The following KCNMA1 variants were observed in gnomAD, a reference collection of about 807,000 sequenced individuals.
KCNMA1 encodes potassium calcium-activated channel subfamily M alpha 1.
Under a neutral mutation model 140.0 loss-of-function variants are expected in KCNMA1, and 29 were observed. That is an observed-to-expected ratio of 0.21 (90% CI 0.15 to 0.28). The LOEUF is 0.28. Ranked by LOEUF, KCNMA1 falls within the 10% of genes least tolerant of loss-of-function variation. The pLI is 1.00. For synonymous variants in KCNMA1, 612 were observed against 611.9 expected (o/e 1.00, Z 0.00); for missense variants, 880 against 1,602.2 (o/e 0.55, Z 7.70).
At chr10:77,637,223 G>C (rs201919963) in intron 1 of KCNMA1, 42 bp downstream of exon 1, 10 of 1,537,614 alleles carry the variant, frequency 6.5e-6, no homozygotes, top group Non-Finnish European at 8.0e-6. Flanking sequence ...CCGAGAAGCG[G>C]TGGGGCTGGC....
intron 3 of KCNMA1, 56 bp downstream of exon 3, chr10:77,251,139 T>C: frequency 7.3e-7 from 1 of 1,362,022 alleles, no homozygotes; most frequent in South Asian, 1.2e-5. Flanking sequence ...TGGATCAATG[T>C]AAAGGCTCAT....
chr10:77,602,006 C>G (rs2082811462), intron 1 of KCNMA1, among the ~76,000 whole-genome samples: 1 of 152,182 alleles, frequency 6.6e-6, no homozygotes, highest in African/African-American at 2.4e-5. Context: ...ATCAAAACTG[C>G]CCTATTCTAA....
chr10:76,969,844 T>A (rs1232274848), intron 20 of KCNMA1, 130 bp downstream of exon 20: 1 of 728,220 alleles, frequency 1.4e-6, no homozygotes, highest in Admixed American at 2.0e-5. Flanking sequence ...CATCTAACGA[T>A]CTCGCTCCCC....
intron 2 of KCNMA1, among the ~76,000 whole-genome samples, chr10:77,256,991 C>A (rs2060912914): frequency 6.6e-6 from 1 of 152,066 alleles, no homozygotes; most frequent in African/African-American, 2.4e-5. Flanking sequence ...TGCCTATAAT[C>A]CCAGCTACTC....
At chr10:77,509,211 C>T (rs548411708) in intron 1 of KCNMA1, among the ~76,000 whole-genome samples, 1 of 152,246 alleles carries the variant, frequency 6.6e-6, no homozygotes, top group Non-Finnish European at 1.5e-5. Flanking sequence ...ACCTCCGCCT[C>T]CCAGCTTCCA....
At chr10:76,941,021 G>GGAAGGAAGGAAA (rs2061906233) in intron 23 of KCNMA1, among the ~76,000 whole-genome samples, 1 of 53,118 alleles carries the variant, frequency 1.9e-5, no homozygotes, top group Admixed American at 2.0e-4. Flanking sequence ...AAGGAAGGAA[G>GGAAGGAAGGAAA]AAAGAAAGAA....
At chr10:76,906,437 C>T (rs2047865113) in intron 25 of KCNMA1, among the ~76,000 whole-genome samples, 1 of 152,212 alleles carries the variant, frequency 6.6e-6, no homozygotes, top group Admixed American at 6.5e-5. Flanking sequence ...AGGGCCATGT[C>T]TGTAACATCC....
At chr10:77,021,200 C>T (rs1391717988) in intron 16 of KCNMA1, 1 of 152,148 alleles carries the variant, frequency 6.6e-6, no homozygotes, top group Non-Finnish European at 1.5e-5. Flanking sequence ...CAAAAAATTC[C>T]ATGCACTGGC....
At chr10:76,905,257 T>C (rs375942141) in intron 25 of KCNMA1, 27 of 152,194 alleles carry the variant, frequency 1.8e-4, no homozygotes, top group African/African-American at 6.5e-4. Context: ...TATTTCTTCT[T>C]CTAAAATGAG....
chr10:77,289,543 C>T (rs767669211), intron 2 of KCNMA1, among the ~76,000 whole-genome samples: 43 of 152,312 alleles, frequency 2.8e-4, no homozygotes, highest in Non-Finnish European at 5.1e-4. Context: ...CACTCAAACC[C>T]TGCCAAGCTT....
intron 2 of KCNMA1, among the ~76,000 whole-genome samples, chr10:77,396,028 T>C (rs2096039077): frequency 6.6e-6 from 1 of 152,230 alleles, no homozygotes; most frequent in South Asian, 2.1e-4. Context: ...TCAGTATCTA[T>C]GCATGGGATG....
chr10:77,417,835 C>G (rs563257727), intron 1 of KCNMA1, among the ~76,000 whole-genome samples: 65 of 152,286 alleles, frequency 4.3e-4, no homozygotes, highest in Middle Eastern at 3.4e-3. Context: ...GATCCCCATT[C>G]AGGAAACCAA....
intron 5 of KCNMA1, among the ~76,000 whole-genome samples, chr10:77,145,435 G>A (rs575184911): frequency 1.2e-4 from 19 of 152,306 alleles, no homozygotes; most frequent in African/African-American, 4.1e-4. Flanking sequence ...AAAAAAAACT[G>A]TCATAAACTG....
intron 1 of KCNMA1, among the ~76,000 whole-genome samples, chr10:77,559,721 C>T (rs1335749464): frequency 6.6e-6 from 1 of 152,122 alleles, no homozygotes; most frequent in Non-Finnish European, 1.5e-5. Context: ...CTGGTTTCAC[C>T]TTTAGAACTA....
intron 2 of KCNMA1, among the ~76,000 whole-genome samples, chr10:77,351,970 T>C (rs547846901): frequency 1.4e-4 from 21 of 152,176 alleles, no homozygotes; most frequent in Non-Finnish European, 2.4e-4. Flanking sequence ...CAAGTTCAGA[T>C]TGGACAGGAA....
Position 77,166,885 on chromosome 10 carries a change from A to C in KCNMA1, c.808+16536T>G, listed in dbSNP as rs574222507. On this transcript the variant is annotated intron_variant, in intron 5 of 27. Transcript: ENST00000286628. ...CAGTGTCTATGTGATAATTTGATAC[A>C]TCCATATTGTCAAACTAGGGTAACT... 4.6e-5 allele frequency among the ~76,000 whole-genome samples: 7 copies of C among 152,276 alleles called. No individual in the cohort carries two copies. In the South Asian group the frequency reaches 1.5e-3, roughly 32 times the overall value.
Position 76,944,752 on chromosome 10 carries a change from AG to A in KCNMA1, c.2902+20del, listed in dbSNP as rs752447474. Reference sequence around the variant, plus strand: ...CTGTCCCCTGCAGGCACAGCAAAGAAGTATTACAGGCTGTCCTTACCTTGGG... The same window carrying A: ...CTGTCCCCTGCAGGCACAGCAAAGAATATTACAGGCTGTCCTTACCTTGGG... On this transcript the variant is annotated intron_variant, in intron 23 of 27. Transcript: ENST00000286628. The A allele has an allele frequency of 6.2e-7, 1 of 1,609,972 alleles. No homozygotes were observed.
intron 2 of KCNMA1, among the ~76,000 whole-genome samples, chr10:77,334,483 G>A (rs769171222): frequency 6.6e-6 from 1 of 152,140 alleles, no homozygotes; most frequent in Non-Finnish European, 1.5e-5. Context: ...TACCATTTGA[G>A]CTTTATTACA....
At chr10:77,548,344 G>A (rs965235756) in intron 1 of KCNMA1, among the ~76,000 whole-genome samples, 1 of 152,210 alleles carries the variant, frequency 6.6e-6, no homozygotes, top group African/African-American at 2.4e-5. Flanking sequence ...AGCCTAACGT[G>A]GACAACGCCT....
Sources: gnomAD v4.1 joint callset for allele counts (sites outside exome capture counted in the v4.1 genomes callset) on GRCh38, gnomAD v4.1.1 for gene constraint, MANE v1.5 for transcripts, NCBI Gene and HGNC (gene_info 2026-07-23, HGNC 2026-07-21) for gene names.